Variants in ACSM3 observed in about 807,000 individuals in gnomAD.
ACSM3 encodes the protein acyl-coenzyme A synthetase ACSM3, mitochondrial.
In ACSM3, 61 loss-of-function variants were observed where a neutral mutation model predicts 74.1. The observed-to-expected ratio is 0.82, with a 90% CI of 0.67 to 1.02. The LOEUF is 1.02. ACSM3 is among the 50% of genes least tolerant of loss of function. ACSM3 has a pLI of 0.00. For missense variants in ACSM3, 660 were observed against 697.0 expected (o/e 0.95, Z 0.60); for synonymous variants, 213 against 241.5 (o/e 0.88, Z 1.09).
Position 20,757,490 on chromosome 16 carries a change from C to G in ACSM3, c.-52+1874C>G, listed in dbSNP as rs546045620. ...TGATTTTTGCACATTGATTTTGTAT[C>G]CTGAGACTTTGCTGAAGTTGCTTAT... On this transcript the variant is annotated intron_variant, in intron 3 of 3. Transcript: ENST00000561584. 3.8e-4 allele frequency among the ~76,000 whole-genome samples: 57 copies of G among 151,720 alleles called. 1 individual carries two copies. The highest frequency in any genetic ancestry group is 1.1e-3 in the Admixed American group (17 of 15,252).
At chr16:20,694,429 C>T (rs955926578) in intron 1 of ACSM3, among the ~76,000 whole-genome samples, 1 of 152,184 alleles carries the variant, frequency 6.6e-6, no homozygotes, top group Non-Finnish European at 1.5e-5. Flanking sequence ...ACATTTCAAA[C>T]AATATTGTAG....
intron 1 of ACSM3, chr16:20,725,469 C>T (rs2079801608): frequency 9.8e-6 from 2 of 204,198 alleles, no homozygotes; most frequent in African/African-American, 2.3e-5. Flanking sequence ...TCCACTTGAA[C>T]CACAAATGAT....
At chr16:20,685,253 C>A in intron 1 of ACSM3, 1 of 1,614,188 alleles carries the variant, frequency 6.2e-7, no homozygotes, top group Non-Finnish European at 8.5e-7. Context: ...AGCATCAAGG[C>A]CAGATGGTCT....
intron 8 of ACSM3, 91 bp from the exon 9 acceptor site, chr16:20,785,987 T>G: frequency 3.4e-6 from 3 of 876,838 alleles, no homozygotes; most frequent in Non-Finnish European, 5.1e-6. Flanking sequence ...TAGTAAGTTT[T>G]CAATAAATAA....
At chr16:20,728,466 TTC>T in intron 1 of ACSM3, 1 of 1,256,026 alleles carries the variant, frequency 8.0e-7, no homozygotes, top group Non-Finnish European at 1.1e-6. Context: ...TACACAGCCC[TTC>T]TGTTTCTTCT....
chr16:20,753,852 TGAAAA>T (rs1216616518), intron 2 of ACSM3, among the ~76,000 whole-genome samples: 3 of 80,418 alleles, frequency 3.7e-5, no homozygotes, highest in African/African-American at 1.4e-4. Flanking sequence ...AAGAAAGAAA[TGAAAA>T]GAAGAAAGAG....
At chr16:20,687,266 C>T (rs1438886554) in intron 1 of ACSM3, among the ~76,000 whole-genome samples, 1 of 151,624 alleles carries the variant, frequency 6.6e-6, no homozygotes, top group Non-Finnish European at 1.5e-5. Context: ...CCTGCAGGCA[C>T]GTAGGGGAAA....
chr16:20,685,526 T>A, intron 1 of ACSM3: 2 of 920,518 alleles, frequency 2.2e-6, no homozygotes, highest in Non-Finnish European at 3.5e-6. Context: ...GATCCCATTT[T>A]AAAACATTTA....
At position 20,699,192 on chromosome 16, in the gene ACSM3, G is replaced by T. The variant is rs530848105; in HGVS notation, c.-190+24370G>T. Among the ~76,000 whole-genome samples, 7 of 152,280 alleles carry T rather than the reference G, an allele frequency of 4.6e-5. 1 individual carries two copies. The South Asian group carries it at 1.5e-3, about 32-fold the overall frequency. On this transcript the variant is annotated intron_variant, in intron 1 of 3. Transcript: ENST00000561584. ...GAAAGGATTATGTGACACCAAGCCT[G>T]TAAAGCACCTGGACCAGGCATTTAG...
chr16:20,709,049 G>A (rs1442665591), intron 1 of ACSM3, among the ~76,000 whole-genome samples: 5 of 152,212 alleles, frequency 3.3e-5, no homozygotes, highest in African/African-American at 1.2e-4. Context: ...AATAAATGGT[G>A]CTAGGCACCA....
In ACSM3 at chr16:20,724,646, A is replaced by C. The variant is rs562512174; in HGVS notation, c.-189-25264A>C. Among the ~76,000 whole-genome samples, 17 of 152,346 alleles carry C rather than the reference A, an allele frequency of 1.1e-4. 1 individual carries two copies. The South Asian group carries it at 3.1e-3, about 28-fold the overall frequency. On this transcript the variant is annotated intron_variant, in intron 1 of 3. Transcript: ENST00000561584. ...CTAGAAAACCCCATCGTCTCAGCCC[A>C]AAATCTCCTTAAGCTGATAAGCAAC... is the stretch of plus-strand genomic sequence containing the variant.
chr16:20,685,264 C>A (rs1432080306), intron 1 of ACSM3: 6 of 1,614,066 alleles, frequency 3.7e-6, no homozygotes, highest in African/African-American at 1.3e-5. Flanking sequence ...CAGATGGTCT[C>A]CCTGTTGTAG....
chr16:20,740,876 A>C (rs2079912390), intron 1 of ACSM3, among the ~76,000 whole-genome samples: 1 of 152,240 alleles, frequency 6.6e-6, no homozygotes, highest in African/African-American at 2.4e-5. Context: ...TGCTTCAGGT[A>C]AACACATTAT....
intron 1 of ACSM3, among the ~76,000 whole-genome samples, chr16:20,716,678 G>A (rs112326936): frequency 3.9e-5 from 6 of 152,220 alleles, no homozygotes; most frequent in African/African-American, 1.2e-4. Flanking sequence ...TTACCCTCAC[G>A]TCCTCACCAC....
intron 1 of ACSM3, among the ~76,000 whole-genome samples, chr16:20,739,519 C>T (rs370138270): frequency 6.6e-6 from 1 of 152,050 alleles, no homozygotes; most frequent in East Asian, 1.9e-4. Flanking sequence ...GGACACCACA[C>T]CCTTCAAAAC....
chr16:20,714,550 C>T (rs1359841231), intron 1 of ACSM3, among the ~76,000 whole-genome samples: 1 of 152,068 alleles, frequency 6.6e-6, no homozygotes, highest in East Asian at 1.9e-4. Flanking sequence ...AACCTGAGCT[C>T]TGATGAATAG....
intron 1 of ACSM3, among the ~76,000 whole-genome samples, chr16:20,741,170 G>T (rs543537731): frequency 6.6e-6 from 1 of 152,186 alleles, no homozygotes; most frequent in Non-Finnish European, 1.5e-5. Flanking sequence ...GCTGAGACAG[G>T]AGAAGTCGAG....
chr16:20,711,737 A>G, intron 1 of ACSM3: 1 of 402,498 alleles, frequency 2.5e-6, no homozygotes, highest in Admixed American at 3.4e-5. Context: ...TTATTGCTAC[A>G]TCTTGGAATA....
At chr16:20,739,583 G>A (rs1328338597) in intron 1 of ACSM3, among the ~76,000 whole-genome samples, 3 of 152,242 alleles carry the variant, frequency 2.0e-5, no homozygotes, top group East Asian at 3.9e-4. Context: ...CACTCTGGGA[G>A]GCAGAGGCAA....
Sources: allele counts gnomAD v4.1 joint callset (sites outside exome capture counted in the v4.1 genomes callset), GRCh38; gene constraint gnomAD v4.1.1; transcripts MANE v1.5; gene names NCBI Gene and HGNC (gene_info 2026-07-23, HGNC 2026-07-21).